The following MRPL21 variants were observed in gnomAD, a reference collection of about 807,000 sequenced individuals.
MRPL21 encodes large ribosomal subunit protein bL21m.
Under a neutral mutation model 27.3 loss-of-function variants are expected in MRPL21, and 20 were observed. That is an observed-to-expected ratio of 0.73 (90% confidence interval 0.52 to 1.06). MRPL21 has a LOEUF of 1.06. Ranked by LOEUF, MRPL21 falls within the 50% of genes least tolerant of loss-of-function variation. The probability of loss-of-function intolerance (pLI) is 0.00; values close to 1 mark genes in which losing one functional copy is unlikely to be tolerated. For synonymous variants in MRPL21, 98 were observed against 101.5 expected, an observed-to-expected ratio of 0.97 and a Z score of 0.21; for missense variants, 249 against 251.4, an observed-to-expected ratio of 0.99 and a Z score of 0.06.
chr11:68,902,479 A>G (rs1048641588), intron 1 of MRPL21, among the ~76,000 whole-genome samples: 3 of 152,198 alleles, frequency 2.0e-5, no homozygotes, highest in African/African-American at 7.2e-5. Context: ...GATTATTATT[A>G]ATTTCTTAAT....
At position 68,897,981 on chromosome 11, in the gene MRPL21, G is replaced by A. The variant is rs1857841577; in HGVS notation, c.178C>T (p.Pro60Ser). 1.9e-6 allele frequency: 3 copies of A among 1,614,138 alleles called. No homozygotes were observed. The highest frequency in any genetic ancestry group is 1.7e-5 in the Admixed American group (1 of 60,024). ...YVPKTSLSSP[P>S]WPEVVLPDPV... The stretch of plus-strand genomic sequence containing the variant: ...TCTGGCAGAACAACTTCTGGCCAAG[G>A]TGGTGAACTCAGGGATGTTTTAGGA... Residue 60 changes from proline (P) to serine (S), a missense_variant, in exon 3 of 7, where the codon CCT becomes TCT. By Grantham distance (74) the Pro-to-Ser change is moderately conservative. Coordinates refer to ENST00000362034, the MANE Select transcript of MRPL21 (RefSeq NM_181514.2).
chr11:68,900,477 G>C (rs150238277), intron 2 of MRPL21, 71 bp downstream of exon 2: 1 of 1,375,532 alleles, frequency 7.3e-7, no homozygotes, highest in Non-Finnish European at 1.0e-6. Flanking sequence ...AAGGTAGGAA[G>C]TTTTGACTTT....
At chr11:68,902,423 C>T (rs1857971587) in intron 1 of MRPL21, among the ~76,000 whole-genome samples, 1 of 152,250 alleles carries the variant, frequency 6.6e-6, no homozygotes. Flanking sequence ...CAGTTACCAA[C>T]TCATGGCCAA....
intron 6 of MRPL21, 119 bp downstream of exon 6, chr11:68,892,771 A>T (rs1326853742): frequency 1.9e-6 from 3 of 1,544,204 alleles, no homozygotes; most frequent in Non-Finnish European, 2.6e-6. Context: ...AGTGGCAGCC[A>T]GGTTGAGACC....
In MRPL21 at chr11:68,891,326, G is replaced by A. The variant is rs775565963; in HGVS notation, c.*5C>T. 7.4e-6 allele frequency: 12 copies of A among 1,613,356 alleles called. No homozygotes were observed. Among genetic ancestry groups the A allele is most frequent in the Admixed American group, 5.0e-5 (3 of 59,998 alleles). On this transcript the variant is annotated 3_prime_UTR_variant, in exon 7 of 7. Transcript: ENST00000362034. ...TTTATCCTTTTGTAAGTATTAACTC[G>A]GTAATCACAACAAACACGGAGCAAT...
chr11:68,896,553 G>A lies in MRPL21; in HGVS notation c.358C>T (p.Leu120=). The part of the protein sequence containing the change: ...SEDLILIGNE[L]DLACGERIRL... Reference sequence around the variant, plus strand: ...ATTCTCTCTCCACACGCAAGGTCTAGTTCATTTCCAATTAAGATCAGGTCT... The same window carrying A: ...ATTCTCTCTCCACACGCAAGGTCTAATTCATTTCCAATTAAGATCAGGTCT... The change falls in exon 4 of 7, where the codon CTA becomes TTA. Residue 120 remains leucine (L), a synonymous_variant. Transcript: ENST00000362034. The A allele has an allele frequency of 6.2e-7, 1 of 1,614,246 alleles. No individual in the cohort carries two copies. The highest frequency in any genetic ancestry group is 8.5e-7 in the Non-Finnish European group (1 of 1,180,044).
intron 4 of MRPL21, among the ~76,000 whole-genome samples, chr11:68,894,143 T>G (rs893504801): frequency 6.6e-6 from 1 of 152,236 alleles, no homozygotes; most frequent in African/African-American, 2.4e-5. Context: ...CTACTAATAT[T>G]GCAATGATTG....
intron 4 of MRPL21, among the ~76,000 whole-genome samples, chr11:68,895,661 T>C (rs1436780184): frequency 6.6e-6 from 1 of 152,078 alleles, no homozygotes; most frequent in East Asian, 1.9e-4. Context: ...AAAATAATAA[T>C]AAACAGACAA....
chr11:68,895,377 C>T (rs750675746), intron 4 of MRPL21, among the ~76,000 whole-genome samples: 4 of 151,928 alleles, frequency 2.6e-5, no homozygotes, highest in Admixed American at 6.6e-5. Flanking sequence ...TGGCCAGGCA[C>T]GTTGGCTCAT....
chr11:68,898,210 C>T lies in MRPL21; in HGVS notation c.147-198G>A, dbSNP rs72917806. ...CTTTTAGAACCACAGGGAACAATGG[C>T]TCATCATTCAATAATCAAAGCAGGA... On this transcript the variant is annotated intron_variant, in intron 2 of 6. Transcript: ENST00000362034. 5.0e-3 allele frequency among the ~76,000 whole-genome samples: 763 copies of T among 152,344 alleles called. 4 individuals carry two copies. The highest frequency in any genetic ancestry group is 8.4e-3 in the Non-Finnish European group (573 of 68,036).
In MRPL21 at chr11:68,903,812, G is replaced by GCCGCCACCATCTTC; in HGVS notation, c.-3_-2insGAAGATGGTGGCGG. On this transcript the variant is annotated 5_prime_UTR_variant, in exon 1 of 7. The change creates a new upstream start codon in the 5' untranslated region. Transcript: ENST00000362034. ...GACCGTCAGGGAAGATGCTGCCATGGCCGCAGCCTCGGCCGGAAACGGAAA... is the reference window on the plus strand; with the variant it reads ...GACCGTCAGGGAAGATGCTGCCATGGCCGCCACCATCTTCCCGCAGCCTCGGCCGGAAACGGAAA... The GCCGCCACCATCTTC allele has an allele frequency of 6.8e-6, 11 of 1,612,214 alleles. No individual in the cohort carries two copies. The highest frequency in any genetic ancestry group is 1.1e-5 in the South Asian group (1 of 91,050).
chr11:68,903,374 G>C (rs1858019942), intron 1 of MRPL21, among the ~76,000 whole-genome samples: 1 of 152,142 alleles, frequency 6.6e-6, no homozygotes, highest in Non-Finnish European at 1.5e-5. Flanking sequence ...TGGGGGCAGT[G>C]GTTCAAGCAC....
intron 1 of MRPL21, among the ~76,000 whole-genome samples, chr11:68,901,446 G>A (rs1857933179): frequency 1.3e-5 from 2 of 152,138 alleles, no homozygotes; most frequent in East Asian, 1.9e-4. Flanking sequence ...GAGAAGACAG[G>A]GGATCAAAAT....
intron 1 of MRPL21, among the ~76,000 whole-genome samples, chr11:68,902,192 G>A (rs1294062896): frequency 2.6e-5 from 4 of 152,104 alleles, no homozygotes; most frequent in Non-Finnish European, 5.9e-5. Flanking sequence ...GTCTCTACTC[G>A]CTTCACTGTG....
intron 1 of MRPL21, among the ~76,000 whole-genome samples, chr11:68,901,914 A>G (rs1201028894): frequency 6.6e-6 from 1 of 152,188 alleles, no homozygotes; most frequent in Non-Finnish European, 1.5e-5. Context: ...CCAGTTGCTC[A>G]GGCCCCAAAC....
At chr11:68,891,967 A>G (rs143432675) in intron 6 of MRPL21, 924 of 764,512 alleles carry the variant, frequency 1.2e-3, no homozygotes, top group Admixed American at 5.2e-3. Context: ...ACCTGCTAGG[A>G]CAGCCCTACA....
At chr11:68,897,306 C>T (rs925746102) in intron 3 of MRPL21, among the ~76,000 whole-genome samples, 2 of 152,134 alleles carry the variant, frequency 1.3e-5, no homozygotes, top group East Asian at 1.9e-4. Flanking sequence ...CCGGCCTGAC[C>T]GAGGGCGAGA....
At chr11:68,896,211 A>G (rs988563775) in intron 4 of MRPL21, among the ~76,000 whole-genome samples, 2 of 152,228 alleles carry the variant, frequency 1.3e-5, no homozygotes, top group Admixed American at 6.5e-5. Flanking sequence ...GGAATATACT[A>G]ATAAGACTGG....
At chr11:68,894,153 G>A (rs1314012389) in intron 4 of MRPL21, among the ~76,000 whole-genome samples, 1 of 152,168 alleles carries the variant, frequency 6.6e-6, no homozygotes, top group African/African-American at 2.4e-5. Flanking sequence ...TGCAATGATT[G>A]AGGCTCTCCT....
Sources: allele counts gnomAD v4.1 joint callset (sites outside exome capture counted in the v4.1 genomes callset), GRCh38; gene constraint gnomAD v4.1.1; transcripts MANE v1.5; gene names NCBI Gene and HGNC (gene_info 2026-07-23, HGNC 2026-07-21).